The following SLC1A7 variants were observed in gnomAD, a reference collection of about 807,000 sequenced individuals.
The protein encoded by SLC1A7 is excitatory amino acid transporter 5.
A neutral mutation model predicts 47.7 loss-of-function variants in SLC1A7; 40 were observed. The observed-to-expected ratio is 0.84, with a 90% confidence interval of 0.65 to 1.09. The LOEUF (loss-of-function observed/expected upper bound fraction) is 1.09, where lower values mean the gene tolerates loss of function less well. Among genes scored for constraint, SLC1A7 ranks in the 50% least tolerant of loss-of-function variants. The probability of loss-of-function intolerance (pLI) is 0.00; values close to 1 mark genes in which losing one functional copy is unlikely to be tolerated. For missense variants in SLC1A7, 746 were observed against 769.5 expected (o/e 0.97, Z 0.36); for synonymous variants, 323 against 325.6 (o/e 0.99, Z 0.09).
chr1:53,138,617 C>T (rs1645024456), intron 1 of SLC1A7, among the ~76,000 whole-genome samples: 1 of 151,850 alleles, frequency 6.6e-6, no homozygotes, highest in Admixed American at 6.6e-5. Context: ...ATCCACCCGC[C>T]TTGGCCTCCC....
rs530800313 is a variant in SLC1A7 at position 53,127,950 on chromosome 1, C to T, written c.215+6400G>A. Among the ~76,000 whole-genome samples the T allele has an allele frequency of 1.4e-4, 22 of 152,314 alleles. No individual in the cohort carries two copies. The South Asian group carries it at 4.1e-3, about 29-fold the overall frequency. On this transcript the variant is annotated intron_variant, in intron 2 of 10. Coordinates refer to ENST00000371494, the MANE Select transcript of SLC1A7 (RefSeq NM_006671.6). Reference sequence around the variant, plus strand: ...TCTGAGCAGAGGACTCAGCCAAGCCCGCCCAGACTGCTGGCCCAGGGACTG... The same window carrying T: ...TCTGAGCAGAGGACTCAGCCAAGCCTGCCCAGACTGCTGGCCCAGGGACTG...
chr1:53,114,263 T>TGTGGCTAGGATGTGGCACTGCC (rs1337047252), intron 3 of SLC1A7, among the ~76,000 whole-genome samples: 4 of 152,302 alleles, frequency 2.6e-5, no homozygotes, highest in African/African-American at 9.6e-5. Context: ...GCTGCACTGC[T>TGTGGCTAGGATGTGGCACTGCC]GTGGCTAGGA....
At chr1:53,089,754 G>T in intron 9 of SLC1A7, 46 bp downstream of exon 9, 1 of 1,605,108 alleles carries the variant, frequency 6.2e-7, no homozygotes, top group Non-Finnish European at 8.5e-7. Flanking sequence ...TGACCCTGAA[G>T]TCAGCCCCTC....
chr1:53,090,461 C>G (rs1008490198), intron 8 of SLC1A7, 151 bp downstream of exon 8: 1 of 1,266,850 alleles, frequency 7.9e-7, no homozygotes, highest in Non-Finnish European at 1.1e-6. Context: ...GGGCTGTCCT[C>G]CAGGCTCGGA....
In SLC1A7 at chr1:53,087,233, A is replaced by C. The variant is rs937116594; in HGVS notation, c.*776T>G. 1 of 152,266 alleles carries C rather than the reference A, an allele frequency of 6.6e-6. No individual in the cohort carries two copies. The highest frequency in any genetic ancestry group is 1.5e-5 in the Non-Finnish European group (1 of 68,048). 9.4% of individuals were successfully genotyped at this position (152,266 alleles called of 1,614,324 possible). On this transcript the variant is annotated 3_prime_UTR_variant, in exon 11 of 11. Transcript: ENST00000371494. ...TTAACACTGAATTTGCAAACACAGA[A>C]AGGAATAGAAAACCTGACTCCACTT...
chr1:53,114,615 G>A, intron 3 of SLC1A7, 143 bp downstream of exon 3: 1 of 681,398 alleles, frequency 1.5e-6, no homozygotes, highest in Non-Finnish European at 2.5e-6. Flanking sequence ...GAGCCCAGCG[G>A]GCAGCCCAGA....
At chr1:53,112,697 C>T (rs1025378902) in intron 3 of SLC1A7, among the ~76,000 whole-genome samples, 3 of 152,192 alleles carry the variant, frequency 2.0e-5, no homozygotes, top group Non-Finnish European at 4.4e-5. Context: ...CCAGCACTTC[C>T]AATAGGGATA....
intron 5 of SLC1A7, among the ~76,000 whole-genome samples, chr1:53,099,396 G>C (rs1195650026): frequency 2.3e-5 from 3 of 129,944 alleles, no homozygotes; most frequent in Non-Finnish European, 4.9e-5. Flanking sequence ...TTGATAGACT[G>C]ACACACACCA....
intron 2 of SLC1A7, among the ~76,000 whole-genome samples, chr1:53,131,173 G>C (rs1263404107): frequency 6.6e-6 from 1 of 152,222 alleles, no homozygotes; most frequent in African/African-American, 2.4e-5. Context: ...CTGGTGGAGG[G>C]AGACCAGGCA....
Position 53,103,330 on chromosome 1 carries a change from G to A in SLC1A7, c.697+16C>T. The A allele has an allele frequency of 6.4e-7, 1 of 1,563,330 alleles. No homozygotes were observed. The highest frequency in any genetic ancestry group is 8.7e-7 in the Non-Finnish European group (1 of 1,151,562). ...CCCGGCTCCACGGCACTGCTGGGCA[G>A]GTGGGCAGCACATACCCATGGTGGC... On this transcript the variant is annotated intron_variant, in intron 5 of 10. Coordinates refer to ENST00000371494, the MANE Select transcript of SLC1A7 (RefSeq NM_006671.6).
At chr1:53,124,390 A>G (rs1353499731) in intron 2 of SLC1A7, among the ~76,000 whole-genome samples, 1 of 152,132 alleles carries the variant, frequency 6.6e-6, no homozygotes, top group Non-Finnish European at 1.5e-5. Flanking sequence ...GTGAATCACA[A>G]ACACATGGAT....
At chr1:53,088,673 A>G (rs1303258649) in intron 10 of SLC1A7, among the ~76,000 whole-genome samples, 2 of 152,226 alleles carry the variant, frequency 1.3e-5, no homozygotes, top group African/African-American at 2.4e-5. Context: ...TCCTGTGTCT[A>G]TATCAGCGCC....
intron 2 of SLC1A7, among the ~76,000 whole-genome samples, chr1:53,124,154 G>A (rs1679970): frequency 4.6e-5 from 7 of 152,206 alleles, no homozygotes; most frequent in Non-Finnish European, 8.8e-5. Context: ...GGAGAAGGGA[G>A]TGTTGAGTTT....
intron 1 of SLC1A7, among the ~76,000 whole-genome samples, chr1:53,140,903 G>A (rs914819914): frequency 6.6e-5 from 10 of 152,136 alleles, no homozygotes; most frequent in Non-Finnish European, 1.5e-4. Context: ...CACTATAGTC[G>A]TGGCTCAGTT....
intron 2 of SLC1A7, among the ~76,000 whole-genome samples, chr1:53,117,484 A>G (rs530617268): frequency 1.3e-5 from 2 of 152,348 alleles, no homozygotes; most frequent in South Asian, 2.1e-4. Flanking sequence ...GAACTCACCA[A>G]TGCAGATTAG....
intron 2 of SLC1A7, among the ~76,000 whole-genome samples, chr1:53,134,006 T>C (rs1644966271): frequency 6.6e-6 from 1 of 152,142 alleles, no homozygotes; most frequent in Non-Finnish European, 1.5e-5. Context: ...TCAGAGTTAG[T>C]TCTCTTTTCC....
chr1:53,115,065 C>T, intron 2 of SLC1A7, 92 bp from the exon 3 acceptor site: 2 of 959,232 alleles, frequency 2.1e-6, no homozygotes, highest in Non-Finnish European at 3.2e-6. Flanking sequence ...CCATGTCCAG[C>T]TGCCTCACAG....
rs1011543466 is a variant in SLC1A7 at position 53,090,505 on chromosome 1, C to T, written c.1226+107G>A. On this transcript the variant is annotated intron_variant, in intron 8 of 10. Coordinates refer to ENST00000371494, the MANE Select transcript of SLC1A7 (RefSeq NM_006671.6). ...CCCTGGCCCTCTGCCTGCTGTGCTC[C>T]GAGCCCAGGCTCGCTCGCTTCAGAT... is the stretch of plus-strand genomic sequence containing the variant. 7.8e-5 allele frequency: 112 copies of T among 1,431,112 alleles called. No homozygotes were observed. The East Asian group carries it at 1.7e-3, about 22-fold the overall frequency. The allele number at this position is 1,431,112 out of a possible 1,614,324, so 88.7% of individuals were successfully genotyped here. A position where few individuals can be genotyped will look rare whatever the true frequency, so the allele number is the denominator to read the frequency against.
At chr1:53,122,935 G>A (rs1184059304) in intron 2 of SLC1A7, among the ~76,000 whole-genome samples, 3 of 152,172 alleles carry the variant, frequency 2.0e-5, no homozygotes, top group African/African-American at 7.2e-5. Context: ...GGGAGAGAGT[G>A]TGGGGCTCAG....
Sources: gnomAD v4.1 joint callset for allele counts (sites outside exome capture counted in the v4.1 genomes callset) on GRCh38, gnomAD v4.1.1 for gene constraint, MANE v1.5 for transcripts, NCBI Gene and HGNC (gene_info 2026-07-23, HGNC 2026-07-21) for gene names.